Variants in SEL1L2 observed in about 807,000 individuals in gnomAD.
SEL1L2 encodes protein sel-1 homolog 2.
In SEL1L2, 89 loss-of-function variants were observed where a neutral mutation model predicts 98.8. The ratio of observed to expected loss-of-function variants is 0.90; its 90% CI spans 0.76 to 1.07. The LOEUF (loss-of-function observed/expected upper bound fraction) is 1.07. SEL1L2 is among the 50% of genes least tolerant of loss of function. The pLI is 0.00. For synonymous variants in SEL1L2, 262 were observed against 278.5 expected (o/e 0.94, Z 0.59); for missense variants, 788 against 812.0 (o/e 0.97, Z 0.36).
At chr20:13,938,971 A>C (rs994911896) in intron 2 of SEL1L2, among the ~76,000 whole-genome samples, 1 of 151,226 alleles carries the variant, frequency 6.6e-6, no homozygotes, top group Non-Finnish European at 1.5e-5. Context: ...GAGTCTTGGA[A>C]ATCAGTAAAC....
At chr20:13,973,730 G>A (rs2051393526) in intron 1 of SEL1L2, among the ~76,000 whole-genome samples, 1 of 152,130 alleles carries the variant, frequency 6.6e-6, no homozygotes, top group Admixed American at 6.5e-5. Flanking sequence ...CTATGATGAA[G>A]TTGTCTTTCC....
intron 1 of SEL1L2, among the ~76,000 whole-genome samples, chr20:13,976,349 T>C (rs2051537754): frequency 6.6e-6 from 1 of 152,006 alleles, no homozygotes. Context: ...AAAGAGGAAG[T>C]AGAACTTAAG....
chr20:13,887,510 C>G (rs1239660972), intron 8 of SEL1L2, among the ~76,000 whole-genome samples: 1 of 151,950 alleles, frequency 6.6e-6, no homozygotes, highest in Non-Finnish European at 1.5e-5. Context: ...GAAAGAACAT[C>G]ACAAAGGCAA....
chr20:13,959,861 A>T (rs967011973), intron 1 of SEL1L2, among the ~76,000 whole-genome samples: 4 of 152,240 alleles, frequency 2.6e-5, no homozygotes, highest in Non-Finnish European at 5.9e-5. Context: ...CCAAAACCAC[A>T]ATTACTTTTG....
At chr20:13,919,880 G>A (rs2048574169) in intron 3 of SEL1L2, among the ~76,000 whole-genome samples, 1 of 147,218 alleles carries the variant, frequency 6.8e-6, no homozygotes, top group Non-Finnish European at 1.5e-5. Flanking sequence ...AGCTGAGGTT[G>A]CACCACTGCA....
chr20:13,886,180 C>G (rs2046945244), intron 9 of SEL1L2, 108 bp downstream of exon 9: 4 of 705,924 alleles, frequency 5.7e-6, no homozygotes, highest in African/African-American at 1.8e-5. Flanking sequence ...GGGTCTCCCC[C>G]CATTCCTATT....
At position 13,949,683 on chromosome 20, in the gene SEL1L2, A is replaced by G. The variant is rs182168635; in HGVS notation, c.114+6393T>C. On this transcript the variant is annotated intron_variant, in intron 2 of 19. Coordinates refer to ENST00000284951, the MANE Select transcript of SEL1L2 (RefSeq NM_025229.2). ...GTCTCAAAACAAAAAACAAAAAACA[A>G]ACAACAAAAAAAACCAAACAAACAA... 1.7e-4 allele frequency among the ~76,000 whole-genome samples: 25 copies of G among 147,804 alleles called. No individual in the cohort carries two copies. The East Asian group carries it at 4.6e-3, about 27-fold the overall frequency.
intron 2 of SEL1L2, among the ~76,000 whole-genome samples, chr20:13,932,562 A>C (rs535174934): frequency 1.7e-3 from 252 of 151,864 alleles, no homozygotes; most frequent in African/African-American, 5.8e-3. Context: ...CTCCCGAGTA[A>C]CTGGGACTAC....
At chr20:13,874,452 G>A (rs2046346840) in intron 12 of SEL1L2, among the ~76,000 whole-genome samples, 1 of 152,132 alleles carries the variant, frequency 6.6e-6, no homozygotes, top group East Asian at 1.9e-4. Flanking sequence ...CAGCGCACCG[G>A]AGACCCAGAT....
chr20:13,917,083 C>G, intron 4 of SEL1L2, among the ~76,000 whole-genome samples: 1 of 152,096 alleles, frequency 6.6e-6, no homozygotes, highest in East Asian at 1.9e-4. Flanking sequence ...CTTGATGTAA[C>G]ACACCTAGTT....
chr20:13,970,226 G>A (rs747267801), intron 1 of SEL1L2, among the ~76,000 whole-genome samples: 2 of 152,084 alleles, frequency 1.3e-5, no homozygotes, highest in African/African-American at 2.4e-5. Context: ...CTGACATACC[G>A]TGAAATAAAA....
At chr20:13,970,969 A>T (rs1309186078) in intron 1 of SEL1L2, among the ~76,000 whole-genome samples, 1 of 151,160 alleles carries the variant, frequency 6.6e-6, no homozygotes, top group Non-Finnish European at 1.5e-5. Context: ...GCACGTTTCA[A>T]TTTTTTTCAA....
At chr20:13,882,628 G>A (rs2046758197) in intron 10 of SEL1L2, among the ~76,000 whole-genome samples, 2 of 152,118 alleles carry the variant, frequency 1.3e-5, no homozygotes, top group African/African-American at 4.8e-5. Context: ...GCAGATGCAT[G>A]AGCAAGCCCA....
At chr20:13,961,835 A>G (rs1224653195) in intron 1 of SEL1L2, among the ~76,000 whole-genome samples, 1 of 152,196 alleles carries the variant, frequency 6.6e-6, no homozygotes, top group Non-Finnish European at 1.5e-5. Context: ...ATCTTCCAAC[A>G]TGCACCTGGC....
At chr20:13,965,789 C>T (rs1325856752) in intron 1 of SEL1L2, among the ~76,000 whole-genome samples, 1 of 151,920 alleles carries the variant, frequency 6.6e-6, no homozygotes, top group African/African-American at 2.4e-5. Flanking sequence ...CCCATCTCTA[C>T]TAAAAACACA....
At chr20:13,910,414 G>A (rs2048163433) in intron 5 of SEL1L2, among the ~76,000 whole-genome samples, 1 of 152,152 alleles carries the variant, frequency 6.6e-6, no homozygotes, top group African/African-American at 2.4e-5. Flanking sequence ...GGAAACCCAA[G>A]GTTTAGAGAA....
chr20:13,994,902 A>C (rs1039867123), upstream of SEL1L2: 10 of 152,238 alleles, frequency 6.6e-5, no homozygotes, highest in Non-Finnish European at 1.3e-4. Flanking sequence ...ATTCCAATGA[A>C]ATTTGTAATT....
intron 1 of SEL1L2, among the ~76,000 whole-genome samples, chr20:13,958,218 A>T (rs2050627141): frequency 6.6e-6 from 1 of 152,178 alleles, no homozygotes; most frequent in East Asian, 1.9e-4. Flanking sequence ...TATTTAGCAC[A>T]GTACTTAATA....
At chr20:13,928,514 C>G (rs2048992695) in intron 3 of SEL1L2, among the ~76,000 whole-genome samples, 1 of 152,110 alleles carries the variant, frequency 6.6e-6, no homozygotes, top group South Asian at 2.1e-4. Flanking sequence ...TATTCCTGAC[C>G]AAATAATTAC....
Sources: gnomAD v4.1 joint callset for allele counts (sites outside exome capture counted in the v4.1 genomes callset) on GRCh38, gnomAD v4.1.1 for gene constraint, MANE v1.5 for transcripts, NCBI Gene and HGNC (gene_info 2026-07-23, HGNC 2026-07-21) for gene names.